RAD51B: variants seen among roughly 807,000 people sequenced by gnomAD.
RAD51B encodes RAD51 paralog B.
In RAD51B, 38 loss-of-function variants were observed where a neutral mutation model predicts 42.2. The observed-to-expected ratio is 0.90, with a 90% CI of 0.70 to 1.18. The LOEUF is 1.18. RAD51B is among the 50% of genes most tolerant of loss of function. The pLI is 0.00. For synonymous variants in RAD51B, 154 were observed against 145.2 expected (o/e 1.06, Z -0.43); for missense variants, 373 against 400.7 (o/e 0.93, Z 0.59).
chr14:68,088,446 G>A (rs148585497), intron 7 of RAD51B, among the ~76,000 whole-genome samples: 102 of 151,546 alleles, frequency 6.7e-4, no homozygotes, highest in African/African-American at 2.2e-3. Flanking sequence ...TCTTTCTTTC[G>A]TCTAATAACT....
At chr14:68,659,611 G>C (rs1433907240) in intron 11 of RAD51B, among the ~76,000 whole-genome samples, 1 of 152,156 alleles carries the variant, frequency 6.6e-6, no homozygotes, top group Non-Finnish European at 1.5e-5. Context: ...CACTGCACCG[G>C]GGCAAGCCAA....
At chr14:68,144,152 TG>T (rs2078201556) in intron 7 of RAD51B, among the ~76,000 whole-genome samples, 1 of 152,232 alleles carries the variant, frequency 6.6e-6, no homozygotes, top group South Asian at 2.1e-4. Context: ...TTCTCAATTC[TG>T]ACAGTTCATC....
chr14:67,865,415 T>G (rs1023156167), intron 5 of RAD51B, among the ~76,000 whole-genome samples: 1 of 151,950 alleles, frequency 6.6e-6, no homozygotes, highest in African/African-American at 2.4e-5. Context: ...TATTCTATTT[T>G]TAGTAGAGAC....
intron 7 of RAD51B, among the ~76,000 whole-genome samples, chr14:68,189,865 G>A (rs755307462): frequency 5.3e-5 from 8 of 151,876 alleles, no homozygotes; most frequent in Non-Finnish European, 1.0e-4. Flanking sequence ...TAGATTTCAC[G>A]ATGTTGATCA....
At chr14:68,510,166 T>C (rs1270473102) in intron 10 of RAD51B, among the ~76,000 whole-genome samples, 3 of 152,168 alleles carry the variant, frequency 2.0e-5, no homozygotes, top group Non-Finnish European at 2.9e-5. Flanking sequence ...CCACTCCCCA[T>C]CCAGGGCTTT....
chr14:67,842,233 T>A (rs1411721620), intron 4 of RAD51B, among the ~76,000 whole-genome samples: 1 of 152,208 alleles, frequency 6.6e-6, no homozygotes, highest in African/African-American at 2.4e-5. Flanking sequence ...TTTTGTGCAT[T>A]GATTTTGTAG....
intron 10 of RAD51B, among the ~76,000 whole-genome samples, chr14:68,492,221 A>G (rs1293944617): frequency 6.6e-6 from 1 of 151,986 alleles, no homozygotes; most frequent in Non-Finnish European, 1.5e-5. Context: ...TAAAATTGCA[A>G]CCCGCTCTGC....
intron 7 of RAD51B, among the ~76,000 whole-genome samples, chr14:67,989,653 A>G (rs1216239464): frequency 2.7e-5 from 4 of 150,902 alleles, no homozygotes; most frequent in South Asian, 2.1e-4. Context: ...AAAAAAAAAA[A>G]AAAAGAAAGA....
At chr14:68,673,895 C>T (rs1417909485) in intron 11 of RAD51B, among the ~76,000 whole-genome samples, 6 of 150,238 alleles carry the variant, frequency 4.0e-5, no homozygotes, top group Non-Finnish European at 7.4e-5. Context: ...TGTATACATG[C>T]ACACACATAC....
intron 7 of RAD51B, among the ~76,000 whole-genome samples, chr14:68,132,182 T>C (rs2077906142): frequency 6.6e-6 from 1 of 152,204 alleles, no homozygotes; most frequent in Non-Finnish European, 1.5e-5. Flanking sequence ...TGTTCACTTT[T>C]TGGCTAAAGA....
At chr14:68,564,782 G>A (rs2140027211) in intron 10 of RAD51B, among the ~76,000 whole-genome samples, 1 of 152,310 alleles carries the variant, frequency 6.6e-6, no homozygotes, top group East Asian at 1.9e-4. Context: ...TGGATGGTGG[G>A]CTCCAGGCTG....
At chr14:68,295,174 A>T (rs570095142) in intron 8 of RAD51B, among the ~76,000 whole-genome samples, 2 of 152,306 alleles carry the variant, frequency 1.3e-5, no homozygotes, top group Non-Finnish European at 2.9e-5. Flanking sequence ...CAATGCCGGG[A>T]AAGTCCTTGG....
chr14:67,829,945 A>C (rs976605586), intron 3 of RAD51B, among the ~76,000 whole-genome samples: 3 of 152,232 alleles, frequency 2.0e-5, no homozygotes, highest in African/African-American at 7.2e-5. Context: ...CTTGCAAGGA[A>C]GCAATACTTT....
Position 68,308,456 on chromosome 14 carries a change from A to C in RAD51B, c.853+16476A>C, listed in dbSNP as rs77057521. ...AAGCTGCCAAATCTCAAAGAATTTCATTCATTTAGTCATTATTTAAGATAA... is the reference window on the plus strand; with the variant it reads ...AAGCTGCCAAATCTCAAAGAATTTCCTTCATTTAGTCATTATTTAAGATAA... On this transcript the variant is annotated intron_variant, in intron 8 of 10. Transcript: ENST00000471583. 3.5e-3 allele frequency among the ~76,000 whole-genome samples: 537 copies of C among 152,282 alleles called. 20 individuals are homozygous for C. The East Asian group carries it at 0.088, about 25-fold the overall frequency.
At chr14:68,279,699 A>G (rs1279023583) in intron 7 of RAD51B, among the ~76,000 whole-genome samples, 1 of 152,224 alleles carries the variant, frequency 6.6e-6, no homozygotes, top group Admixed American at 6.5e-5. Context: ...TAGCACTACC[A>G]TTGTACAGAG....
intron 10 of RAD51B, among the ~76,000 whole-genome samples, chr14:68,572,937 C>T (rs1450317031): frequency 6.6e-6 from 1 of 152,272 alleles, no homozygotes; most frequent in East Asian, 1.9e-4. Context: ...GCCCATCTTA[C>T]GCGTGAGGAG....
At chr14:68,422,081 G>A (rs1211183203) in intron 9 of RAD51B, 115 of 1,515,372 alleles carry the variant, frequency 7.6e-5, no homozygotes, top group Non-Finnish European at 1.0e-4. Context: ...TCCAGTGCTC[G>A]GAGCACGAAA....
chr14:68,206,957 T>G (rs1405692999), intron 7 of RAD51B, among the ~76,000 whole-genome samples: 2 of 151,996 alleles, frequency 1.3e-5, no homozygotes, highest in African/African-American at 4.8e-5. Context: ...GCCCGGCTAA[T>G]TTTTTTATAT....
At chr14:68,632,039 T>C (rs973428945) in intron 10 of RAD51B, among the ~76,000 whole-genome samples, 2 of 152,326 alleles carry the variant, frequency 1.3e-5, no homozygotes, top group African/African-American at 2.4e-5. Context: ...CAAAACACTG[T>C]TGACCTTTGC....
Sources: gnomAD v4.1 joint callset for allele counts (sites outside exome capture counted in the v4.1 genomes callset) on GRCh38, gnomAD v4.1.1 for gene constraint, MANE v1.5 for transcripts, NCBI Gene and HGNC (gene_info 2026-07-23, HGNC 2026-07-21) for gene names.